The following SCRG1 variants were observed in gnomAD, a reference collection of about 807,000 sequenced individuals.
SCRG1 encodes the protein stimulator of chondrogenesis 1, also known as scrapie-responsive protein 1.
SCRG1 carries 3 observed loss-of-function variants against 7.7 expected under a neutral mutation model. The observed-to-expected ratio is 0.39, with a 90% CI of 0.18 to 1.01. SCRG1 has a LOEUF of 1.01. Ranked by LOEUF, SCRG1 falls within the 50% of genes least tolerant of loss-of-function variation. The pLI is 0.36. For synonymous variants in SCRG1, 46 were observed against 41.2 expected (o/e 1.12, Z -0.44); for missense variants, 110 against 117.2 (o/e 0.94, Z 0.28).
At chr4:173,422,571 C>T in the SCRG1 span, among the ~76,000 whole-genome samples, 106 of 152,134 alleles carry the variant, frequency 7.0e-4, no homozygotes, top group African/African-American at 2.2e-3. Context: ...TCATTACTAG[C>T]GGACACATCT....
At chr4:173,418,709 G>A in the SCRG1 span, among the ~76,000 whole-genome samples, 2,345 of 152,264 alleles carry the variant, frequency 0.015, 69 homozygotes, top group African/African-American at 0.054. Context: ...TGTTGCAGGA[G>A]GGGCCAGGTG....
At chr4:173,389,633 C>G (rs1050070149) in intron 2 of SCRG1, 2 of 178,940 alleles carry the variant, frequency 1.1e-5, no homozygotes, top group Non-Finnish European at 2.4e-5. Flanking sequence ...GGGAGGAGTC[C>G]AAGGATGGAT....
At chr4:173,497,471 A>G in the SCRG1 span, among the ~76,000 whole-genome samples, 4 of 152,082 alleles carry the variant, frequency 2.6e-5, no homozygotes, top group South Asian at 2.1e-4. Flanking sequence ...CCGGGAAAAC[A>G]TATCATGACT....
At chr4:173,406,921 G>C (rs1014665957), upstream of SCRG1, among the ~76,000 whole-genome samples, 1 of 152,122 alleles carries the variant, frequency 6.6e-6, no homozygotes, top group Non-Finnish European at 1.5e-5. Context: ...AAGAACAGAG[G>C]TGCGCGCTGG....
the SCRG1 span, among the ~76,000 whole-genome samples, chr4:173,413,015 C>T: frequency 2.0e-5 from 3 of 152,050 alleles, no homozygotes; most frequent in Non-Finnish European, 4.4e-5. Flanking sequence ...AATTCATATA[C>T]AGCTTAGACT....
the SCRG1 span, among the ~76,000 whole-genome samples, chr4:173,512,257 G>T: frequency 2.0e-5 from 3 of 152,204 alleles, no homozygotes; most frequent in Non-Finnish European, 2.9e-5. Context: ...CCTTTCAGAG[G>T]ATGGCTTAAC....
chr4:173,496,076 C>A, the SCRG1 span, among the ~76,000 whole-genome samples: 1 of 152,034 alleles, frequency 6.6e-6, no homozygotes, highest in African/African-American at 2.4e-5. Flanking sequence ...CTCAGAATCA[C>A]GGCTTAATGT....
the SCRG1 span, among the ~76,000 whole-genome samples, chr4:173,455,136 G>A: frequency 2.6e-5 from 4 of 151,942 alleles, no homozygotes; most frequent in East Asian, 1.9e-4. Flanking sequence ...GGTCCTCAGC[G>A]ATTCTACGGT....
chr4:173,413,721 G>A, the SCRG1 span, among the ~76,000 whole-genome samples: 2 of 152,216 alleles, frequency 1.3e-5, no homozygotes, highest in Non-Finnish European at 2.9e-5. Context: ...ATGTGTGGCA[G>A]CTAGAAAATC....
chr4:173,389,288 A>G (rs1159804740), intron 2 of SCRG1, among the ~76,000 whole-genome samples: 1 of 152,098 alleles, frequency 6.6e-6, no homozygotes, highest in Non-Finnish European at 1.5e-5. Flanking sequence ...TAATCCCAGC[A>G]CTTTGGGAGG....
At chr4:173,447,827 A>G in the SCRG1 span, among the ~76,000 whole-genome samples, 1 of 152,328 alleles carries the variant, frequency 6.6e-6, no homozygotes, top group South Asian at 2.1e-4. Context: ...GAACTTTTGT[A>G]GTTATTTGTG....
At chr4:173,438,213 T>C in the SCRG1 span, among the ~76,000 whole-genome samples, 1 of 152,146 alleles carries the variant, frequency 6.6e-6, no homozygotes, top group African/African-American at 2.4e-5. Flanking sequence ...CTTTCTGGGC[T>C]CAGGTGATTC....
chr4:173,509,736 C>T, the SCRG1 span, among the ~76,000 whole-genome samples: 3 of 151,996 alleles, frequency 2.0e-5, no homozygotes, highest in Non-Finnish European at 4.4e-5. This position sits in a 1 kb window ranked among gnomAD's most constrained non-coding sequence, Gnocchi z 5.7. Flanking sequence ...GGGCCCTTCT[C>T]GGGGGAGATA....
the SCRG1 span, among the ~76,000 whole-genome samples, chr4:173,484,958 T>C: frequency 0.057 from 2,947 of 51,854 alleles, 176 homozygotes; most frequent in Non-Finnish European, 0.075. Context: ...TATAATATTA[T>C]ATATATTATA....
the SCRG1 span, among the ~76,000 whole-genome samples, chr4:173,481,659 C>T: frequency 6.6e-6 from 1 of 152,138 alleles, no homozygotes; most frequent in African/African-American, 2.4e-5. Flanking sequence ...GCCTACTCAA[C>T]TTGAAGAGGA....
the SCRG1 span, among the ~76,000 whole-genome samples, chr4:173,412,662 C>A: frequency 3.9e-5 from 6 of 152,142 alleles, no homozygotes; most frequent in Non-Finnish European, 7.4e-5. Context: ...TCAGAAAACG[C>A]CCTCAGTTTA....
the SCRG1 span, among the ~76,000 whole-genome samples, chr4:173,487,356 A>G: frequency 6.6e-6 from 1 of 152,220 alleles, no homozygotes; most frequent in Admixed American, 6.5e-5. Flanking sequence ...GACAACCAGA[A>G]CCATGATATT....
intron 1 of SCRG1, among the ~76,000 whole-genome samples, chr4:173,394,573 G>A (rs1483585910): frequency 6.6e-6 from 1 of 152,120 alleles, no homozygotes; most frequent in Non-Finnish European, 1.5e-5. Flanking sequence ...GAACCCAGGA[G>A]GCAGAGATTG....
exon 2 of SCRG1, chr4:173,404,341 C>T (rs1447480316): frequency 2.0e-5 from 3 of 152,184 alleles, no homozygotes; most frequent in South Asian, 2.1e-4. Context: ...CTCTCTTTTA[C>T]TGTGTTTCCT....
Sources: gnomAD v4.1 joint callset for allele counts (sites outside exome capture counted in the v4.1 genomes callset) on GRCh38, gnomAD v4.1.1 for gene constraint, Gnocchi (gnomAD v3.1) non-coding constraint, MANE v1.5 for transcripts, NCBI Gene and HGNC (gene_info 2026-07-23, HGNC 2026-07-21) for gene names.